Variants in CHMP3 observed in about 807,000 individuals in gnomAD.
CHMP3 encodes charged multivesicular body protein 3, also known as 25.1 protein.
In CHMP3, 8 loss-of-function variants were observed where a neutral mutation model predicts 27.4. The ratio of observed to expected loss-of-function variants is 0.29; its 90% confidence interval spans 0.17 to 0.53. The LOEUF is 0.53. CHMP3 is among the 20% of genes least tolerant of loss of function. The pLI, the probability that CHMP3 is intolerant of heterozygous loss-of-function variation, is 0.96. For synonymous variants in CHMP3, 86 were observed against 85.5 expected (o/e 1.01, Z -0.03); for missense variants, 208 against 271.5 (o/e 0.77, Z 1.64).
chr2:86,516,160 A>AG (rs1261031124), intron 3 of CHMP3, among the ~76,000 whole-genome samples: 4 of 151,310 alleles, frequency 2.6e-5, no homozygotes, highest in East Asian at 1.9e-4. Context: ...AAAAAAAAAA[A>AG]AAAAGAAAAA....
chr2:86,536,396 A>G (rs1398378395), intron 2 of CHMP3, among the ~76,000 whole-genome samples: 1 of 152,156 alleles, frequency 6.6e-6, no homozygotes, highest in Non-Finnish European at 1.5e-5. Flanking sequence ...TTTCAACCTG[A>G]AGGACTCCCT....
intron 1 of CHMP3, among the ~76,000 whole-genome samples, chr2:86,550,618 G>A (rs1433386314): frequency 2.0e-5 from 3 of 152,044 alleles, no homozygotes; most frequent in African/African-American, 7.2e-5. Flanking sequence ...CATATAAATG[G>A]TAATAAATAA....
intron 1 of CHMP3, among the ~76,000 whole-genome samples, chr2:86,544,725 G>C (rs1276810865): frequency 6.6e-6 from 1 of 152,192 alleles, no homozygotes; most frequent in African/African-American, 2.4e-5. Context: ...ACAAAATGGA[G>C]TCTCCTATGT....
intron 2 of CHMP3, chr2:86,540,660 T>G (rs1379914810): frequency 1.3e-5 from 2 of 152,140 alleles, no homozygotes; most frequent in East Asian, 3.8e-4. Flanking sequence ...CATTCAGTGA[T>G]TCTTCATTTA....
chr2:86,528,258 G>C (rs1675790964), intron 3 of CHMP3, among the ~76,000 whole-genome samples: 1 of 152,158 alleles, frequency 6.6e-6, no homozygotes, highest in Non-Finnish European at 1.5e-5. Flanking sequence ...AACTTCTTTT[G>C]AGTGTGATCA....
intron 3 of CHMP3, chr2:86,515,312 A>G (rs1675255470): frequency 6.6e-6 from 1 of 151,674 alleles, no homozygotes; most frequent in Non-Finnish European, 1.5e-5. Context: ...AGAACACTAG[A>G]TTTCTTTCTT....
intron 1 of CHMP3, among the ~76,000 whole-genome samples, chr2:86,552,270 T>C (rs1558661761): frequency 6.6e-6 from 1 of 152,198 alleles, no homozygotes; most frequent in African/African-American, 2.4e-5. Context: ...CACCGGATAT[T>C]ATTATACCAA....
chr2:86,518,257 A>T (rs1486551742), intron 3 of CHMP3, among the ~76,000 whole-genome samples: 1 of 152,228 alleles, frequency 6.6e-6, no homozygotes, highest in Non-Finnish European at 1.5e-5. Flanking sequence ...AAGAAAAGTT[A>T]AAAGGTACAT....
intron 2 of CHMP3, among the ~76,000 whole-genome samples, chr2:86,538,163 A>C (rs888681978): frequency 6.6e-6 from 1 of 152,250 alleles, no homozygotes; most frequent in African/African-American, 2.4e-5. Flanking sequence ...GAAATAAGCC[A>C]GACACAAAAA....
At chr2:86,553,963 C>A (rs865861593) in intron 1 of CHMP3, among the ~76,000 whole-genome samples, 15 of 152,190 alleles carry the variant, frequency 9.9e-5, no homozygotes, top group Middle Eastern at 6.8e-3. Flanking sequence ...GGTGCATGTC[C>A]CCAAATTCGT....
intron 3 of CHMP3, among the ~76,000 whole-genome samples, chr2:86,516,561 A>G (rs1675314748): frequency 6.6e-6 from 1 of 152,274 alleles, no homozygotes; most frequent in Non-Finnish European, 1.5e-5. Context: ...GCTGGTGGGA[A>G]TTTAAACCTG....
chr2:86,528,224 A>C (rs963857177), intron 3 of CHMP3, among the ~76,000 whole-genome samples: 1 of 152,254 alleles, frequency 6.6e-6, no homozygotes, highest in Admixed American at 6.5e-5. Context: ...GCACCATCCT[A>C]TAAATTAAAA....
intron 1 of CHMP3, chr2:86,561,793 C>T (rs1389090136): frequency 6.6e-6 from 1 of 152,098 alleles, no homozygotes; most frequent in Non-Finnish European, 1.5e-5. Flanking sequence ...TCTAAGTGTA[C>T]AATATACTAG....
chr2:86,516,072 C>G (rs1427767259), intron 3 of CHMP3, among the ~76,000 whole-genome samples: 2 of 143,970 alleles, frequency 1.4e-5, no homozygotes, highest in Non-Finnish European at 1.5e-5. Flanking sequence ...CACTTCAACC[C>G]GGGAGGCGGA....
chr2:86,538,802 T>C (rs917976172), intron 2 of CHMP3, among the ~76,000 whole-genome samples: 3 of 152,224 alleles, frequency 2.0e-5, no homozygotes, highest in African/African-American at 7.2e-5. Context: ...CATGAGAAGC[T>C]AGAACTCCCT....
At chr2:86,514,938 G>A (rs1193624183) in intron 3 of CHMP3, among the ~76,000 whole-genome samples, 1 of 152,088 alleles carries the variant, frequency 6.6e-6, no homozygotes, top group Non-Finnish European at 1.5e-5. Flanking sequence ...ACATTACTAA[G>A]TCAGTAATGT....
chr2:86,518,131 T>C (rs1675386597), intron 3 of CHMP3, among the ~76,000 whole-genome samples: 1 of 152,206 alleles, frequency 6.6e-6, no homozygotes, highest in African/African-American at 2.4e-5. Context: ...ATATGAAATC[T>C]TATGACATTT....
At chr2:86,554,642 G>A (rs934764588) in intron 1 of CHMP3, among the ~76,000 whole-genome samples, 1 of 152,118 alleles carries the variant, frequency 6.6e-6, no homozygotes, top group Non-Finnish European at 1.5e-5. Context: ...CAATTTGGCA[G>A]TATTTTTGTA....
At chr2:86,546,953 T>C (rs574329646) in intron 1 of CHMP3, among the ~76,000 whole-genome samples, 11 of 152,324 alleles carry the variant, frequency 7.2e-5, no homozygotes, top group South Asian at 2.1e-4. Context: ...ATAATGTCCT[T>C]TGAAACACAA....
Sources: gnomAD v4.1 joint callset for allele counts (sites outside exome capture counted in the v4.1 genomes callset) on GRCh38, gnomAD v4.1.1 for gene constraint, MANE v1.5 for transcripts, NCBI Gene and HGNC (gene_info 2026-07-23, HGNC 2026-07-21) for gene names.